GRIK3: variants seen among roughly 807,000 people sequenced by gnomAD.
GRIK3 encodes glutamate receptor ionotropic, kainate 3.
A neutral mutation model predicts 102.5 loss-of-function variants in GRIK3; 29 were observed. The observed-to-expected ratio is 0.28, with a 90% CI of 0.21 to 0.39. GRIK3 has a LOEUF of 0.39. GRIK3 is among the 10% of genes least tolerant of loss of function. The probability of loss-of-function intolerance (pLI) is 1.00; values close to 1 mark genes in which losing one functional copy is unlikely to be tolerated. For synonymous variants in GRIK3, 511 were observed against 504.9 expected (o/e 1.01, Z -0.16); for missense variants, 908 against 1,252.4 (o/e 0.73, Z 4.15).
chr1:37,017,271 C>T (rs1168564242), intron 1 of GRIK3, among the ~76,000 whole-genome samples: 1 of 145,662 alleles, frequency 6.9e-6, no homozygotes, highest in Non-Finnish European at 1.5e-5. Context: ...TGGTGGCTCA[C>T]ACCTGTAATT....
intron 4 of GRIK3, among the ~76,000 whole-genome samples, chr1:36,871,058 G>A (rs1640837406): frequency 6.6e-6 from 1 of 152,106 alleles, no homozygotes; most frequent in Non-Finnish European, 1.5e-5. Flanking sequence ...ACTGCCTGCT[G>A]GGTGTCAGAA....
chr1:36,853,347 C>T (rs564305190), intron 8 of GRIK3, among the ~76,000 whole-genome samples: 60 of 152,308 alleles, frequency 3.9e-4, no homozygotes, highest in African/African-American at 1.3e-3. Flanking sequence ...CGAGGTTAGG[C>T]ATCCCCAATG....
At chr1:36,863,942 G>C (rs1444373592) in intron 5 of GRIK3, among the ~76,000 whole-genome samples, 2 of 152,050 alleles carry the variant, frequency 1.3e-5, no homozygotes, top group East Asian at 3.9e-4. Flanking sequence ...CCTCCTCTCA[G>C]GGGCAGCTTC....
chr1:36,992,825 T>C (rs1467237301), intron 1 of GRIK3, among the ~76,000 whole-genome samples: 1 of 152,152 alleles, frequency 6.6e-6, no homozygotes, highest in East Asian at 1.9e-4. Flanking sequence ...ACCCACATTT[T>C]ACAGATGGGA....
chr1:36,810,745 A>G (rs1490620808), intron 13 of GRIK3, among the ~76,000 whole-genome samples: 1 of 152,188 alleles, frequency 6.6e-6, no homozygotes, highest in Non-Finnish European at 1.5e-5. Context: ...CTTTGGCCTT[A>G]CTGGATCCAT....
At chr1:36,889,226 A>T (rs1203180416) in intron 2 of GRIK3, among the ~76,000 whole-genome samples, 1 of 151,666 alleles carries the variant, frequency 6.6e-6, no homozygotes, top group Non-Finnish European at 1.5e-5. Flanking sequence ...CTCCCTGAGG[A>T]CTGGAAGTTT....
At chr1:36,805,580 T>A (rs973985676) in intron 14 of GRIK3, among the ~76,000 whole-genome samples, 1 of 152,136 alleles carries the variant, frequency 6.6e-6, no homozygotes, top group Non-Finnish European at 1.5e-5. Context: ...CAGCTCTCAT[T>A]GCTCAGGCCA....
At chr1:36,997,185 A>G (rs945081267) in intron 1 of GRIK3, among the ~76,000 whole-genome samples, 5 of 152,144 alleles carry the variant, frequency 3.3e-5, no homozygotes, top group Admixed American at 2.6e-4. Context: ...AGTCACAACC[A>G]AAAGTAGACA....
intron 1 of GRIK3, among the ~76,000 whole-genome samples, chr1:37,027,109 T>A (rs542716691): frequency 6.6e-6 from 1 of 151,944 alleles, no homozygotes; most frequent in Non-Finnish European, 1.5e-5. Flanking sequence ...TCAATACTGT[T>A]AGTAAACAAG....
intron 2 of GRIK3, among the ~76,000 whole-genome samples, chr1:36,883,972 G>A (rs886861128): frequency 2.0e-5 from 3 of 152,236 alleles, no homozygotes; most frequent in African/African-American, 7.2e-5. Context: ...TAAGGGCAAG[G>A]TGAAAGATAT....
chr1:36,884,040 C>T (rs188284204), intron 2 of GRIK3, among the ~76,000 whole-genome samples: 16 of 152,316 alleles, frequency 1.1e-4, no homozygotes, highest in East Asian at 7.7e-4. Context: ...CCCTGTAACA[C>T]GGGGCAGAAC....
chr1:36,867,490 CAAG>C (rs1238880474), intron 5 of GRIK3, among the ~76,000 whole-genome samples: 1 of 152,092 alleles, frequency 6.6e-6, no homozygotes, highest in East Asian at 1.9e-4. Context: ...GTGTCACCAG[CAAG>C]ATTGCAGAAA....
At chr1:36,956,485 C>T (rs1470206455) in intron 1 of GRIK3, among the ~76,000 whole-genome samples, 2 of 152,212 alleles carry the variant, frequency 1.3e-5, no homozygotes, top group African/African-American at 2.4e-5. Context: ...ACTCCTTCCA[C>T]GCTGGTGTGT....
chr1:36,904,640 T>C (rs1641266381), intron 1 of GRIK3, among the ~76,000 whole-genome samples: 1 of 152,310 alleles, frequency 6.6e-6, no homozygotes, highest in African/African-American at 2.4e-5. Flanking sequence ...TTACTCAATA[T>C]ATTAAAACCC....
intron 1 of GRIK3, among the ~76,000 whole-genome samples, chr1:37,015,522 T>C (rs2124065537): frequency 6.6e-6 from 1 of 152,316 alleles, no homozygotes; most frequent in South Asian, 2.1e-4. Flanking sequence ...GGGGAGCCAG[T>C]GCTTTGTTCA....
At chr1:36,875,120 A>G (rs1463295502) in intron 3 of GRIK3, among the ~76,000 whole-genome samples, 1 of 152,238 alleles carries the variant, frequency 6.6e-6, no homozygotes, top group Non-Finnish European at 1.5e-5. Context: ...TTTTCATTCC[A>G]ATGTTACAGA....
At chr1:37,002,847 C>T (rs148729142) in intron 1 of GRIK3, among the ~76,000 whole-genome samples, 6 of 151,842 alleles carry the variant, frequency 4.0e-5, no homozygotes, top group Non-Finnish European at 4.4e-5. Flanking sequence ...TGCCATGTTG[C>T]CCAGGCTGGT....
At chr1:36,963,473 C>A (rs555442650) in intron 1 of GRIK3, among the ~76,000 whole-genome samples, 3 of 152,254 alleles carry the variant, frequency 2.0e-5, no homozygotes, top group Non-Finnish European at 4.4e-5. Flanking sequence ...CTGTGTGGCA[C>A]GCACTTGCTG....
At chr1:36,855,819 C>G (rs924805549) in intron 7 of GRIK3, among the ~76,000 whole-genome samples, 1 of 152,254 alleles carries the variant, frequency 6.6e-6, no homozygotes, top group African/African-American at 2.4e-5. Flanking sequence ...TCACAGAGGG[C>G]TATTATCCTT....
Sources: gnomAD v4.1 joint callset for allele counts (sites outside exome capture counted in the v4.1 genomes callset) on GRCh38, gnomAD v4.1.1 for gene constraint, MANE v1.5 for transcripts, NCBI Gene and HGNC (gene_info 2026-07-23, HGNC 2026-07-21) for gene names.